The following IQSEC1 variants were observed in gnomAD, a reference collection of about 807,000 sequenced individuals.
IQSEC1 encodes the protein IQ motif and SEC7 domain-containing protein 1.
Under a neutral mutation model 91.0 loss-of-function variants are expected in IQSEC1, and 31 were observed. The ratio of observed to expected loss-of-function variants is 0.34; its 90% CI spans 0.26 to 0.46. The LOEUF is 0.46. IQSEC1 is among the 20% of genes least tolerant of loss of function. The pLI is 1.00. For synonymous variants in IQSEC1, 699 were observed against 662.6 expected (o/e 1.05, Z -0.84); for missense variants, 1,388 against 1,575.6 (o/e 0.88, Z 2.02).
intron 1 of IQSEC1, among the ~76,000 whole-genome samples, chr3:13,026,778 G>A (rs1703628485): frequency 6.6e-6 from 1 of 151,522 alleles, no homozygotes; most frequent in African/African-American, 2.4e-5. Context: ...TCACTGCTCT[G>A]AGAGCTCACA....
chr3:13,048,274 C>G (rs1044679273), intron 1 of IQSEC1, among the ~76,000 whole-genome samples: 38 of 152,216 alleles, frequency 2.5e-4, no homozygotes, highest in African/African-American at 8.7e-4. Context: ...GGCAGCACAC[C>G]TCACATTCTG....
chr3:12,949,609 C>A (rs1435949700), intron 1 of IQSEC1, among the ~76,000 whole-genome samples: 1 of 152,270 alleles, frequency 6.6e-6, no homozygotes, highest in Non-Finnish European at 1.5e-5. Flanking sequence ...CACAAGCTCC[C>A]TCTTGGGGCT....
At chr3:13,162,611 G>C (rs979751149) in intron 2 of IQSEC1, among the ~76,000 whole-genome samples, 2 of 152,174 alleles carry the variant, frequency 1.3e-5, no homozygotes, top group Non-Finnish European at 2.9e-5. Context: ...TTTCCTTCCT[G>C]CTTCTTTTTG....
rs140078978 is a variant in IQSEC1 at position 13,103,776 on chromosome 3, A to G, written c.303-56254T>C. On this transcript the variant is annotated intron_variant, in intron 2 of 15. Transcript: ENST00000648114. This position sits in a 1 kb window ranked among gnomAD's most constrained non-coding sequence, Gnocchi z 4.1. Reference sequence around the variant, plus strand: ...AGCTCCCCGGTATTCCATGTTGCCTACCACCCTACGAGGGCAGGGGCTGTG... The same window carrying G: ...AGCTCCCCGGTATTCCATGTTGCCTGCCACCCTACGAGGGCAGGGGCTGTG... Among the ~76,000 whole-genome samples, 326 of 152,136 alleles carry G rather than the reference A, an allele frequency of 2.1e-3. 1 individual carries two copies. The highest frequency in any genetic ancestry group is 8.9e-3 in the South Asian group (43 of 4,820).
intron 1 of IQSEC1, among the ~76,000 whole-genome samples, chr3:13,257,307 C>A (rs755413619): frequency 6.6e-6 from 1 of 152,208 alleles, no homozygotes; most frequent in Non-Finnish European, 1.5e-5. Context: ...ATGAGACAGA[C>A]AGACAGACAT....
At chr3:12,998,596 G>C (rs1293986158) in intron 1 of IQSEC1, among the ~76,000 whole-genome samples, 1 of 151,870 alleles carries the variant, frequency 6.6e-6, no homozygotes, top group Non-Finnish European at 1.5e-5. Context: ...GAGCAGCCTG[G>C]GTTAATGTAG....
At chr3:12,958,794 C>T (rs1700074136) in intron 1 of IQSEC1, among the ~76,000 whole-genome samples, 1 of 152,178 alleles carries the variant, frequency 6.6e-6, no homozygotes, top group Non-Finnish European at 1.5e-5. Context: ...AAGCACTGTG[C>T]TAGGAGCTAG....
At chr3:13,016,054 G>T (rs1703113839) in intron 1 of IQSEC1, among the ~76,000 whole-genome samples, 1 of 152,098 alleles carries the variant, frequency 6.6e-6, no homozygotes, top group Non-Finnish European at 1.5e-5. Context: ...CTGGAGAGAG[G>T]GTGCCCTACT....
chr3:13,023,306 C>A (rs952636337), intron 1 of IQSEC1, among the ~76,000 whole-genome samples: 4 of 152,288 alleles, frequency 2.6e-5, no homozygotes, highest in Admixed American at 2.6e-4. Context: ...TGAGCCCCCA[C>A]CCTGGTCTCC....
intron 1 of IQSEC1, among the ~76,000 whole-genome samples, chr3:13,175,187 G>A (rs1447673627): frequency 1.3e-5 from 2 of 152,170 alleles, no homozygotes; most frequent in Non-Finnish European, 2.9e-5. Flanking sequence ...TGATGGCAAG[G>A]TACCAGCTGT....
intron 1 of IQSEC1, among the ~76,000 whole-genome samples, chr3:13,257,870 T>G (rs1423125129): frequency 6.6e-6 from 1 of 152,222 alleles, no homozygotes; most frequent in Non-Finnish European, 1.5e-5. Flanking sequence ...AACCTACACA[T>G]GGGTGTTTAT....
intron 1 of IQSEC1, among the ~76,000 whole-genome samples, chr3:13,071,543 T>G (rs1705427724): frequency 6.6e-6 from 1 of 151,688 alleles, no homozygotes; most frequent in Non-Finnish European, 1.5e-5. Context: ...GCCACTGGGG[T>G]GGAAGTTCCA....
chr3:13,043,455 G>C (rs900528714), intron 1 of IQSEC1, among the ~76,000 whole-genome samples: 2 of 152,136 alleles, frequency 1.3e-5, no homozygotes, highest in African/African-American at 4.8e-5. Context: ...ACACCCTTTG[G>C]TTCCATGCAG....
chr3:12,900,501 T>TA lies in IQSEC1; in HGVS notation c.*481dup, dbSNP rs1309082746. On this transcript the variant is annotated 3_prime_UTR_variant, in exon 14 of 14. Transcript: ENST00000613206. The stretch of plus-strand genomic sequence containing the variant: ...TTTATATATTTATATAAAGTTTACT[T>TA]ACGTATTTTCATCAACCATATCAGG... 4 of 834,996 alleles carry TA rather than the reference T, an allele frequency of 4.8e-6. No individual in the cohort carries two copies. Among genetic ancestry groups the TA allele is most frequent in the Non-Finnish European group, 5.8e-6 (4 of 693,698 alleles). 51.7% of individuals were successfully genotyped at this position (834,996 alleles called of 1,614,324 possible).
chr3:12,906,143 T>C (rs1694954569), intron 12 of IQSEC1, among the ~76,000 whole-genome samples: 1 of 152,136 alleles, frequency 6.6e-6, no homozygotes, highest in Non-Finnish European at 1.5e-5. Flanking sequence ...ATGTCCTCCT[T>C]TGGATGGATG....
At chr3:13,229,714 A>T (rs1028080861) in intron 1 of IQSEC1, among the ~76,000 whole-genome samples, 1 of 152,188 alleles carries the variant, frequency 6.6e-6, no homozygotes, top group Middle Eastern at 3.2e-3. Flanking sequence ...GAGCCTCTGC[A>T]CACACTGTTC....
intron 1 of IQSEC1, among the ~76,000 whole-genome samples, chr3:12,990,590 C>T (rs555571319): frequency 8.5e-5 from 13 of 152,324 alleles, no homozygotes; most frequent in African/African-American, 2.4e-4. Context: ...CTGTCACACA[C>T]GGCACGCAGG....
intron 1 of IQSEC1, among the ~76,000 whole-genome samples, chr3:12,947,348 A>G (rs1389048553): frequency 6.6e-6 from 1 of 152,110 alleles, no homozygotes; most frequent in East Asian, 1.9e-4. Context: ...AGGGACTCCA[A>G]TCCTGGCTGG....
In IQSEC1 at chr3:13,282,810, C is replaced by G. The variant is rs1352882675; in HGVS notation, c.173G>C (p.Arg58Pro). Among the ~76,000 whole-genome samples the G allele has an allele frequency of 1.4e-5, 2 of 147,748 alleles. No homozygotes were observed. Among genetic ancestry groups the G allele is most frequent in the South Asian group, 4.2e-4 (2 of 4,818 alleles). ...GCGGGCGCACGCGGCCAGGTGTCGC[C>G]GGTGTCGCTCCAGCAGGCCGGCGTT... Residue 58 changes from arginine (R) to proline (P), a missense_variant, in exon 1 of 16, where the codon CGG becomes CCG. Physicochemically the swap from Arg to Pro is moderately radical, Grantham distance 103. Coordinates refer to the IQSEC1 transcript ENST00000648114. This position sits in a 1 kb window ranked among gnomAD's most constrained non-coding sequence, Gnocchi z 6.4.
Sources: allele counts gnomAD v4.1 joint callset (sites outside exome capture counted in the v4.1 genomes callset), GRCh38; gene constraint gnomAD v4.1.1; non-coding constraint Gnocchi (gnomAD v3.1); transcripts MANE v1.5; gene names NCBI Gene and HGNC (gene_info 2026-07-23, HGNC 2026-07-21).